TUSC3: variants seen among roughly 807,000 people sequenced by gnomAD.
TUSC3 encodes tumor suppressor candidate 3.
In TUSC3, 45 loss-of-function variants were observed where a neutral mutation model predicts 44.8. The observed-to-expected ratio is 1.00, with a 90% CI of 0.79 to 1.29. TUSC3 has a LOEUF of 1.29. Ranked by LOEUF, TUSC3 falls within the 50% of genes most tolerant of loss-of-function variation. The pLI is 0.00. For missense variants in TUSC3, 519 were observed against 437.9 expected (o/e 1.19, Z -1.65); for synonymous variants, 212 against 152.9 (o/e 1.39, Z -2.85).
At chr8:15,718,305 A>G (rs1366457789) in intron 6 of TUSC3, among the ~76,000 whole-genome samples, 4 of 152,138 alleles carry the variant, frequency 2.6e-5, no homozygotes, top group African/African-American at 9.7e-5. Context: ...TGGCTTTGTG[A>G]TGGATTGTAA....
intron 1 of TUSC3, among the ~76,000 whole-genome samples, chr8:15,594,551 C>CT (rs1350793892): frequency 6.6e-6 from 1 of 152,086 alleles, no homozygotes; most frequent in Admixed American, 6.6e-5. Context: ...TATTTTGATC[C>CT]TTTAAGTTCT....
intron 6 of TUSC3, among the ~76,000 whole-genome samples, chr8:15,678,807 A>G (rs1808295838): frequency 6.6e-6 from 1 of 152,062 alleles, no homozygotes; most frequent in South Asian, 2.1e-4. Flanking sequence ...AGTCCGTAGC[A>G]TCTGTTGTTC....
intron 2 of TUSC3, among the ~76,000 whole-genome samples, chr8:15,641,034 A>G (rs866090655): frequency 1.4e-5 from 2 of 143,244 alleles, no homozygotes; most frequent in Non-Finnish European, 1.6e-5. Context: ...TGTTATATGT[A>G]TTGTGTGCCA....
intron 1 of TUSC3, among the ~76,000 whole-genome samples, chr8:15,597,995 G>A (rs778938480): frequency 7.2e-5 from 11 of 152,098 alleles, no homozygotes; most frequent in Admixed American, 1.3e-4. Flanking sequence ...GTGTCCTAGC[G>A]TTGATATTTT....
At position 15,568,463 on chromosome 8, in the gene TUSC3, A is replaced by T. The variant is rs147034808; in HGVS notation, c.138+27895A>T. On this transcript the variant is annotated intron_variant, in intron 1 of 10. Transcript: ENST00000503731. ...TCATACCTTATTACTATATGAACTT[A>T]TAAAGTCCATTTTGCCTAAACTAGA... Among the ~76,000 whole-genome samples, 57 of 152,314 alleles carry T rather than the reference A, an allele frequency of 3.7e-4. 1 individual carries two copies. Among genetic ancestry groups the T allele is most frequent in the African/African-American group, 1.3e-3 (54 of 41,564 alleles).
intron 2 of TUSC3, among the ~76,000 whole-genome samples, chr8:15,529,317 T>C (rs1263518298): frequency 2.0e-5 from 3 of 152,160 alleles, no homozygotes; most frequent in Non-Finnish European, 4.4e-5. Context: ...AATGAAAAGA[T>C]CATATGCAAA....
chr8:15,428,880 A>G (rs1198457241), intron 1 of TUSC3, among the ~76,000 whole-genome samples: 7 of 152,208 alleles, frequency 4.6e-5, no homozygotes, highest in Non-Finnish European at 7.3e-5. Flanking sequence ...GCCCTTTGTC[A>G]GATGAGTAGG....
At chr8:15,468,152 A>T (rs1017137813) in intron 1 of TUSC3, among the ~76,000 whole-genome samples, 6 of 152,218 alleles carry the variant, frequency 3.9e-5, no homozygotes, top group Non-Finnish European at 7.3e-5. Flanking sequence ...AGAGTATCAT[A>T]TAATTATCAT....
At chr8:15,534,762 G>T (rs1284722252) in intron 2 of TUSC3, among the ~76,000 whole-genome samples, 1 of 152,120 alleles carries the variant, frequency 6.6e-6, no homozygotes, top group African/African-American at 2.4e-5. Flanking sequence ...GACCTCAGGG[G>T]TGCCTCATGG....
chr8:15,610,253 A>C (rs1804702887), intron 1 of TUSC3, among the ~76,000 whole-genome samples: 1 of 152,186 alleles, frequency 6.6e-6, no homozygotes, highest in South Asian at 2.1e-4. Flanking sequence ...TTTTGTTATT[A>C]CCACAAGTAT....
upstream of TUSC3, among the ~76,000 whole-genome samples, chr8:15,539,114 A>G (rs576313047): frequency 5.9e-4 from 90 of 151,600 alleles, no homozygotes; most frequent in African/African-American, 2.1e-3. Flanking sequence ...CTCCCAAAGC[A>G]TTGGGTTTAC....
intron 1 of TUSC3, among the ~76,000 whole-genome samples, chr8:15,462,523 G>C (rs957449644): frequency 2.0e-5 from 3 of 152,004 alleles, no homozygotes; most frequent in African/African-American, 7.2e-5. Flanking sequence ...GCCTGTTAAT[G>C]TTATCTCCCT....
At chr8:15,806,996 C>T in the TUSC3 span, 17 of 1,458,064 alleles carry the variant, frequency 1.2e-5, no homozygotes, top group Non-Finnish European at 4.8e-6. Flanking sequence ...CCATTCTTTA[C>T]ATTTTCCAAA....
At chr8:15,466,993 G>T (rs12676099) in intron 1 of TUSC3, among the ~76,000 whole-genome samples, 18,852 of 151,972 alleles carry the variant, frequency 0.12, 1,578 homozygotes, top group East Asian at 0.35. Context: ...CCCTTCTTTT[G>T]ATGTCATTTC....
intron 2 of TUSC3, among the ~76,000 whole-genome samples, chr8:15,518,499 C>T (rs1470050391): frequency 6.6e-6 from 1 of 152,092 alleles, no homozygotes; most frequent in Non-Finnish European, 1.5e-5. Context: ...TTTATTATAA[C>T]AGAAAAGTGT....
chr8:15,676,420 G>A (rs756332612), intron 6 of TUSC3, among the ~76,000 whole-genome samples: 1 of 152,004 alleles, frequency 6.6e-6, no homozygotes, highest in African/African-American at 2.4e-5. Flanking sequence ...ATTCTGTAGG[G>A]TGTCTTTTTA....
At chr8:15,813,817 T>G in the TUSC3 span, among the ~76,000 whole-genome samples, 1 of 152,122 alleles carries the variant, frequency 6.6e-6, no homozygotes, top group Non-Finnish European at 1.5e-5. Context: ...TCAGTCTTAG[T>G]GCTAACCATC....
At chr8:15,815,532 T>C in the TUSC3 span, among the ~76,000 whole-genome samples, 931 of 152,138 alleles carry the variant, frequency 6.1e-3, 5 homozygotes, top group African/African-American at 0.021. Flanking sequence ...CAAAACAATA[T>C]GTAGGAGAAA....
chr8:15,485,476 G>T (rs6530874), intron 2 of TUSC3, among the ~76,000 whole-genome samples: 78,699 of 141,720 alleles, frequency 0.56, 22,415 homozygotes, highest in East Asian at 0.76. Flanking sequence ...TTTTTTTTTT[G>T]TTTTTTGTGA....
Sources: gnomAD v4.1 joint callset for allele counts (sites outside exome capture counted in the v4.1 genomes callset) on GRCh38, gnomAD v4.1.1 for gene constraint, MANE v1.5 for transcripts, NCBI Gene and HGNC (gene_info 2026-07-23, HGNC 2026-07-21) for gene names.